ZNF653: variants seen among roughly 807,000 people sequenced by gnomAD.
ZNF653 encodes the protein 67 kDa zinc finger protein.
ZNF653 carries 37 observed loss-of-function variants against 59.9 expected under a neutral mutation model. The ratio of observed to expected loss-of-function variants is 0.62; its 90% CI spans 0.48 to 0.81. The LOEUF is 0.81. Among genes scored for constraint, ZNF653 ranks in the 40% least tolerant of loss-of-function variants. ZNF653 has a pLI of 0.00. For synonymous variants in ZNF653, 435 were observed against 371.8 expected (o/e 1.17, Z -1.96); for missense variants, 808 against 881.1 (o/e 0.92, Z 1.05).
chr19:11,505,738 C>G lies in ZNF653; in HGVS notation c.49G>C (p.Gly17Arg), dbSNP rs1338755154. Residue 17 changes from glycine (G) to arginine (R), a missense_variant, in exon 1 of 9, where the codon GGC (glycine) becomes CGC (arginine). Physicochemically the swap from Gly to Arg is moderately radical, Grantham distance 125. Coordinates refer to ENST00000293771, the MANE Select transcript of ZNF653 (RefSeq NM_138783.4). ...TCGGCTGCTGCCTCCCCGCCCGCGC[C>G]CGCCTCAGCCTCCGCCTCCGCCTCG... ...EPEAEAEAEA[G>R]AGGEAAAEEG... 2 of 1,449,084 alleles carry G rather than the reference C, an allele frequency of 1.4e-6. No individual in the cohort carries two copies. The highest frequency in any genetic ancestry group is 3.0e-5 in the African/African-American group (2 of 66,746). The allele number at this position is 1,449,084 out of a possible 1,614,324, so 89.8% of individuals were successfully genotyped here.
chr19:11,499,776 G>T (rs1971625483), intron 1 of ZNF653, among the ~76,000 whole-genome samples: 1 of 151,924 alleles, frequency 6.6e-6, no homozygotes, highest in South Asian at 2.1e-4. Flanking sequence ...CCCAGGCGGG[G>T]TGGCATGCAC....
rs763932782 is a variant in ZNF653 at position 11,487,467 on chromosome 19, G to A, written c.996C>T (p.Ala332=). The part of the protein sequence containing the change: ...IAGPGYDALT[A]EGIHLNMAAG... ...CTGCCATGTTGAGGTGAATGCCCTC[G>A]GCCGTGAGAGCGTCGTAACCAGGGC... The change falls in exon 4 of 9, where the codon GCC becomes GCT. Residue 332 remains alanine (A), a synonymous_variant. Coordinates refer to ENST00000293771, the MANE Select transcript of ZNF653 (RefSeq NM_138783.4). This position sits in a 1 kb window ranked among gnomAD's most constrained non-coding sequence, Gnocchi z 5.1. The A allele has an allele frequency of 7.4e-6, 12 of 1,613,212 alleles. No individual in the cohort carries two copies. In the East Asian group the frequency reaches 8.9e-5, roughly 12 times the overall value.
intron 2 of ZNF653, among the ~76,000 whole-genome samples, chr19:11,497,489 G>A (rs893240917): frequency 6.6e-6 from 1 of 152,192 alleles, no homozygotes; most frequent in Non-Finnish European, 1.5e-5. Context: ...GGAGAATAAG[G>A]GATTCCCATC....
rs184960221 is a variant in ZNF653 at position 11,487,785 on chromosome 19, C to T, written c.678G>A (p.Thr226=). ...VKAAAAAAAA[T]PTSPVGSSGL... The stretch of plus-strand genomic sequence containing the variant: ...CGCTGCTGCCCACCGGGCTGGTGGG[C>T]GTCGCTGCCGCTGCCGCTGCCGCAG... Residue 226 remains threonine (T), a synonymous_variant, in exon 4 of 9, where the codon ACG becomes ACA. Transcript: ENST00000293771. This position sits in a 1 kb window ranked among gnomAD's most constrained non-coding sequence, Gnocchi z 5.1. 0.035 allele frequency: 56,163 copies of T among 1,611,582 alleles called. 1,138 individuals are homozygous for T. The highest frequency in any genetic ancestry group is 0.072 in the Admixed American group (4,318 of 59,958).
chr19:11,501,628 G>A (rs1308393241), intron 1 of ZNF653, among the ~76,000 whole-genome samples: 1 of 151,986 alleles, frequency 6.6e-6, no homozygotes, highest in African/African-American at 2.4e-5. Flanking sequence ...GGCTTCACTC[G>A]GCCCAACAGC....
At chr19:11,505,219 C>T in intron 1 of ZNF653, 1 of 412,066 alleles carries the variant, frequency 2.4e-6, no homozygotes, top group Non-Finnish European at 4.3e-6. Context: ...GATTGGGCCG[C>T]CAGAGTTCTA....
intron 7 of ZNF653, among the ~76,000 whole-genome samples, chr19:11,484,382 T>C (rs1473567458): frequency 1.3e-5 from 2 of 151,734 alleles, no homozygotes; most frequent in African/African-American, 4.8e-5. Flanking sequence ...CCAACATGGG[T>C]CTGAATTTGT....
chr19:11,505,371 C>T (rs1971703723), intron 1 of ZNF653, 117 bp downstream of exon 1: 2 of 1,136,370 alleles, frequency 1.8e-6, no homozygotes, highest in Admixed American at 4.2e-5. Flanking sequence ...CGGCCCGGCT[C>T]CTGGGCGGGG....
At chr19:11,505,024 G>A (rs1301399281) in intron 1 of ZNF653, 2 of 158,214 alleles carry the variant, frequency 1.3e-5, no homozygotes, top group Non-Finnish European at 2.8e-5. Flanking sequence ...TTGTGGGAAT[G>A]GGGCCATACG....
At chr19:11,505,341 C>G (rs1487789467) in intron 1 of ZNF653, 147 bp downstream of exon 1, 1 of 788,030 alleles carries the variant, frequency 1.3e-6, no homozygotes, top group African/African-American at 1.8e-5. Context: ...CCCGGCCAGG[C>G]AGTACGAGAC....
Position 11,496,182 on chromosome 19 carries a change from G to T in ZNF653, c.344-17C>A. ...GTCGCCGCCCTATGGACACAGGGCC[G>T]AGGAGTGGGTATAAGGGACAGGGCT... On this transcript the variant is annotated splice_polypyrimidine_tract_variant and intron_variant, in intron 2 of 8. Transcript: ENST00000293771. 1 of 1,611,208 alleles carries T rather than the reference G, an allele frequency of 6.2e-7. No homozygotes were observed.
intron 1 of ZNF653, chr19:11,504,762 T>A (rs1230654296): frequency 1.3e-5 from 2 of 157,950 alleles, no homozygotes; most frequent in African/African-American, 4.8e-5. Context: ...CAGGCACTCT[T>A]CTAAGCTCTT....
chr19:11,483,790 C>T lies in ZNF653; in HGVS notation c.1740G>A (p.Ala580=). The T allele has an allele frequency of 1.2e-6, 2 of 1,612,922 alleles. No homozygotes were observed. The highest frequency in any genetic ancestry group is 1.7e-6 in the Non-Finnish European group (2 of 1,179,434). The change falls in exon 9 of 9, where the codon GCG becomes GCA. Residue 580 remains alanine, a synonymous_variant. Transcript: ENST00000293771. ...CGCACGTGAAGTTGTACTGCACCTC[C>T]GCAGTGTGCTTCTTCATGTGCCAGT... ...SLNWHMKKHT[A]EVQYNFTCDR...
chr19:11,499,463 C>G (rs1229954170), intron 1 of ZNF653, among the ~76,000 whole-genome samples: 4 of 152,034 alleles, frequency 2.6e-5, no homozygotes, highest in Non-Finnish European at 2.9e-5. Context: ...TGGCCCACAG[C>G]CAGCAAGACA....
Position 11,483,661 on chromosome 19 carries a change from G to C in ZNF653, c.*21C>G. The C allele has an allele frequency of 1.2e-6, 2 of 1,603,472 alleles. No homozygotes were observed. Among genetic ancestry groups the C allele is most frequent in the South Asian group, 2.2e-5 (2 of 90,858 alleles). ...GTGTCCGAGCGGACGAATAAATAGG[G>C]GCGGTCAGTGGTCAGGTGGGTCAGG... On this transcript the variant is annotated 3_prime_UTR_variant, in exon 9 of 9. Coordinates refer to ENST00000293771, the MANE Select transcript of ZNF653 (RefSeq NM_138783.4).
chr19:11,496,878 G>C (rs559052966), intron 2 of ZNF653, among the ~76,000 whole-genome samples: 22 of 152,210 alleles, frequency 1.4e-4, no homozygotes, highest in African/African-American at 5.1e-4. Context: ...CAGGGTAAAA[G>C]CCAAAGTCCT....
chr19:11,501,316 C>T (rs1167530947), intron 1 of ZNF653, among the ~76,000 whole-genome samples: 5 of 151,872 alleles, frequency 3.3e-5, no homozygotes, highest in African/African-American at 1.2e-4. Context: ...GTAGCTGGGA[C>T]CACAGGCATG....
chr19:11,487,278 C>A lies in ZNF653; in HGVS notation c.1171+14G>T. 1 of 1,607,328 alleles carries A rather than the reference C, an allele frequency of 6.2e-7. No individual in the cohort carries two copies. ...AACCACCCCTGGCCAGAGGCCACGA[C>A]AGGTCCCCCAGACCTTTCTTGGTCT... is the stretch of plus-strand genomic sequence containing the variant. On this transcript the variant is annotated intron_variant, in intron 4 of 8. Transcript: ENST00000293771. The surrounding 1 kb of genome is among the most constrained non-coding windows in gnomAD (Gnocchi z 5.1).
chr19:11,487,624 G>A lies in ZNF653; in HGVS notation c.839C>T (p.Pro280Leu), dbSNP rs1267514182. 2.5e-6 allele frequency: 4 copies of A among 1,613,826 alleles called. No homozygotes were observed. The highest frequency in any genetic ancestry group is 1.7e-5 in the Admixed American group (1 of 60,024). ...GCCCGCACCCACTTGCACAGGCACC[G>A]GCACGCACACCACTGTCTCCAGGGC... ...PEALETVVCV[P>L]VPVQVGAGPS... Residue 280 changes from proline to leucine, a missense_variant, in exon 4 of 9, where the codon CCG (proline) becomes CTG (leucine). Coordinates refer to ENST00000293771, the MANE Select transcript of ZNF653 (RefSeq NM_138783.4). The surrounding 1 kb of genome is among the most constrained non-coding windows in gnomAD (Gnocchi z 5.1).
Sources: allele counts gnomAD v4.1 joint callset (sites outside exome capture counted in the v4.1 genomes callset), GRCh38; gene constraint gnomAD v4.1.1; non-coding constraint Gnocchi (gnomAD v3.1); transcripts MANE v1.5; gene names NCBI Gene and HGNC (gene_info 2026-07-23, HGNC 2026-07-21).